The following SLC24A1 variants were observed in gnomAD, a reference collection of about 807,000 sequenced individuals.
SLC24A1 encodes sodium/potassium/calcium exchanger 1.
A neutral mutation model predicts 88.1 loss-of-function variants in SLC24A1; 52 were observed. That is an observed-to-expected ratio of 0.59 (90% confidence interval 0.47 to 0.74). The LOEUF is 0.74. Ranked by LOEUF, SLC24A1 falls within the 30% of genes least tolerant of loss-of-function variation. The pLI is 0.00. For missense variants in SLC24A1, 1,173 were observed against 1,363.3 expected, an observed-to-expected ratio of 0.86 and a Z score of 2.20; for synonymous variants, 455 against 498.0, an observed-to-expected ratio of 0.91 and a Z score of 1.15.
intron 2 of SLC24A1, among the ~76,000 whole-genome samples, chr15:65,613,907 A>G (rs1035072143): frequency 8.6e-5 from 13 of 151,738 alleles, no homozygotes; most frequent in Non-Finnish European, 1.6e-4. Flanking sequence ...CTCTTCTCAT[A>G]CTCCCATGAT....
rs112218935 is a variant in SLC24A1 at position 65,637,110 on chromosome 15, T to TA, written c.1891-1009dup. On this transcript the variant is annotated intron_variant, in intron 2 of 9. Coordinates refer to ENST00000261892, the MANE Select transcript of SLC24A1 (RefSeq NM_004727.3). ...GTGAAAAGTTAAACAGTGCTTTTTT[T>TA]AAAAAAAAAGTTCAAATGATATTAC... 5.8e-4 allele frequency among the ~76,000 whole-genome samples: 88 copies of TA among 151,458 alleles called. 1 individual carries two copies. Among genetic ancestry groups the TA allele is most frequent in the African/African-American group, 1.8e-3 (75 of 41,320 alleles).
At chr15:65,657,516 G>T (rs572932611), downstream of SLC24A1, among the ~76,000 whole-genome samples, 1 of 152,144 alleles carries the variant, frequency 6.6e-6, no homozygotes, top group Non-Finnish European at 1.5e-5. Flanking sequence ...GGTGGCAGGC[G>T]CCTATAGTCC....
At chr15:65,627,169 C>T (rs772773353) in intron 2 of SLC24A1, among the ~76,000 whole-genome samples, 31 of 152,272 alleles carry the variant, frequency 2.0e-4, no homozygotes, top group Middle Eastern at 3.4e-3. Context: ...GGCCAAAGCA[C>T]GGAATAGAGA....
At position 65,625,278 on chromosome 15, in the gene SLC24A1, A is replaced by G. The variant is rs1596308171; in HGVS notation, c.1198A>G (p.Thr400Ala). 3.1e-6 allele frequency: 5 copies of G among 1,613,764 alleles called. No individual in the cohort carries two copies. The highest frequency in any genetic ancestry group is 2.2e-5 in the East Asian group (1 of 44,864). ...QVHHCVVVKP[T>A]PAMLTTPSPS... ...CCATCACTGTGTGGTTGTGAAGCCA[A>G]CCCCAGCCATGCTCACCACTCCCTC... The change falls in exon 2 of 10, where the codon ACC becomes GCC. Residue 400 changes from threonine to alanine, a missense_variant. Coordinates refer to ENST00000261892, the MANE Select transcript of SLC24A1 (RefSeq NM_004727.3).
chr15:65,651,928 C>G (rs1035571947), intron 8 of SLC24A1, 169 bp downstream of exon 8: 2 of 641,220 alleles, frequency 3.1e-6, no homozygotes, highest in African/African-American at 3.6e-5. Context: ...GAACGCAGTG[C>G]TTCTCAAGTG....
At chr15:65,657,515 C>A (rs1269319093), downstream of SLC24A1, among the ~76,000 whole-genome samples, 3 of 152,084 alleles carry the variant, frequency 2.0e-5, no homozygotes, top group Non-Finnish European at 4.4e-5. Context: ...AGGTGGCAGG[C>A]GCCTATAGTC....
chr15:65,650,619 A>G lies in SLC24A1; in HGVS notation c.2470A>G (p.Asn824Asp). The G allele has an allele frequency of 1.9e-6, 3 of 1,551,236 alleles. No individual in the cohort carries two copies. The South Asian group carries it at 3.6e-5, about 18-fold the overall frequency. Reference protein sequence around the residue: ...IHAEDGEMKGNEGETESQELS... With the variant: ...IHAEDGEMKGDEGETESQELS... ...CGCAGAAGATGGTGAAATGAAAGGT[A>G]ATGAAGGTGAAACTGAAAGCCAGGA... The change falls in exon 7 of 10, where the codon AAT (asparagine) becomes GAT (aspartate). Residue 824 changes from asparagine to aspartate, a missense_variant. By Grantham distance (23) the Asn-to-Asp change is conservative (BLOSUM62 1). Transcript: ENST00000261892. The surrounding 1 kb of genome is among the most constrained non-coding windows in gnomAD (Gnocchi z 4.1).
intron 2 of SLC24A1, among the ~76,000 whole-genome samples, chr15:65,633,961 A>G (rs1596320675): frequency 6.6e-6 from 1 of 152,164 alleles, no homozygotes; most frequent in Admixed American, 6.5e-5. Context: ...TATAGGCAGG[A>G]GAGTGCAGAG....
chr15:65,627,524 A>C (rs959246330), intron 2 of SLC24A1, among the ~76,000 whole-genome samples: 10 of 152,196 alleles, frequency 6.6e-5, no homozygotes, highest in African/African-American at 2.2e-4. Flanking sequence ...TTCCCACCAG[A>C]CTGTCCTCCA....
intron 4 of SLC24A1, among the ~76,000 whole-genome samples, chr15:65,643,271 C>G (rs1188088889): frequency 1.3e-5 from 2 of 152,192 alleles, no homozygotes; most frequent in Admixed American, 1.3e-4. Context: ...GGTCATCAGG[C>G]TTCAGAATTG....
Position 65,635,222 on chromosome 15 carries a change from C to T in SLC24A1, c.1891-2906C>T, listed in dbSNP as rs558869101. ...ACTCTTGGCCAGGCGCAGTGGCTCA[C>T]GCCTGGCCAAGCACTCTGGGAGGCC... On this transcript the variant is annotated intron_variant, in intron 2 of 9. Transcript: ENST00000261892. Among the ~76,000 whole-genome samples the T allele has an allele frequency of 5.3e-5, 8 of 151,834 alleles. No individual in the cohort carries two copies. The South Asian group carries it at 8.3e-4, about 16-fold the overall frequency.
chr15:65,623,896 T>C, intron 1 of SLC24A1, 59 bp from the exon 2 acceptor site: 2 of 533,154 alleles, frequency 3.8e-6, no homozygotes. Flanking sequence ...TATATGAGGG[T>C]GTTATGGATC....
intron 6 of SLC24A1, among the ~76,000 whole-genome samples, chr15:65,647,023 C>A (rs1020121434): frequency 1.3e-5 from 2 of 152,186 alleles, no homozygotes; most frequent in Admixed American, 1.3e-4. Context: ...CATTCCATGT[C>A]CTGCTCTCCC....
upstream of SLC24A1, among the ~76,000 whole-genome samples, chr15:65,620,807 A>G (rs1166400637): frequency 6.6e-6 from 1 of 152,208 alleles, no homozygotes; most frequent in African/African-American, 2.4e-5. Flanking sequence ...TACTTTGTGA[A>G]TTATATTCCT....
At chr15:65,643,770 G>A (rs572914675) in intron 4 of SLC24A1, among the ~76,000 whole-genome samples, 1 of 152,350 alleles carries the variant, frequency 6.6e-6, no homozygotes, top group East Asian at 1.9e-4. Context: ...ATCTGAAGGA[G>A]GCCCTTCTCG....
chr15:65,648,273 A>T (rs1045058068), intron 6 of SLC24A1, among the ~76,000 whole-genome samples: 1 of 152,108 alleles, frequency 6.6e-6, no homozygotes, highest in African/African-American at 2.4e-5. Flanking sequence ...ACAAAAAAAA[A>T]AGCCTTCAGG....
intron 2 of SLC24A1, among the ~76,000 whole-genome samples, chr15:65,616,872 G>A (rs2074162233): frequency 6.6e-6 from 1 of 152,192 alleles, no homozygotes; most frequent in African/African-American, 2.4e-5. Flanking sequence ...TAACATTTAA[G>A]TCTTTAATCC....
intron 2 of SLC24A1, among the ~76,000 whole-genome samples, chr15:65,614,836 AAAAGTC>A (rs2074083809): frequency 6.6e-6 from 1 of 152,206 alleles, no homozygotes; most frequent in African/African-American, 2.4e-5. Context: ...TATTGGAAAA[AAAAGTC>A]AAAGAGGAAA....
intron 8 of SLC24A1, 64 bp downstream of exon 8, chr15:65,651,823 C>T (rs1358596580): frequency 2.4e-6 from 2 of 823,712 alleles, no homozygotes; most frequent in East Asian, 2.5e-5. Context: ...CCTTCAGGAT[C>T]AATCTCCGGT....
Sources: gnomAD v4.1 joint callset for allele counts (sites outside exome capture counted in the v4.1 genomes callset) on GRCh38, gnomAD v4.1.1 for gene constraint, Gnocchi (gnomAD v3.1) non-coding constraint, MANE v1.5 for transcripts, NCBI Gene and HGNC (gene_info 2026-07-23, HGNC 2026-07-21) for gene names.